The following PKN2 variants were observed in gnomAD, a reference collection of about 807,000 sequenced individuals.
PKN2 encodes the protein protein kinase N2.
PKN2 carries 38 observed loss-of-function variants against 119.1 expected under a neutral mutation model. The ratio of observed to expected loss-of-function variants is 0.32; its 90% CI spans 0.25 to 0.42. The LOEUF is 0.42. Ranked by LOEUF, PKN2 falls within the 10% of genes least tolerant of loss-of-function variation. PKN2 has a pLI of 1.00. For synonymous variants in PKN2, 390 were observed against 384.9 expected (o/e 1.01, Z -0.15); for missense variants, 850 against 1,165.1 (o/e 0.73, Z 3.94).
Position 88,793,189 on chromosome 1 carries a change from A to G in PKN2, c.1281+6976A>G, listed in dbSNP as rs148044907. 5.9e-4 allele frequency among the ~76,000 whole-genome samples: 90 copies of G among 152,266 alleles called. 1 individual carries two copies. Among genetic ancestry groups the G allele is most frequent in the African/African-American group, 1.9e-3 (81 of 41,562 alleles). On this transcript the variant is annotated intron_variant, in intron 8 of 21. Coordinates refer to ENST00000370521, the MANE Select transcript of PKN2 (RefSeq NM_006256.4). ...ATTTCTCTTGACTATAAATGGTGCC[A>G]TGTATGGTCTGTAAGTGTTTGTGTG...
At chr1:88,689,531 C>T (rs1355588730) in intron 1 of PKN2, among the ~76,000 whole-genome samples, 1 of 152,120 alleles carries the variant, frequency 6.6e-6, no homozygotes. Context: ...AAAGTGCAGG[C>T]TGGGCATAGT....
At chr1:88,704,283 G>A (rs1160642750) in intron 1 of PKN2, among the ~76,000 whole-genome samples, 1 of 152,094 alleles carries the variant, frequency 6.6e-6, no homozygotes, top group Non-Finnish European at 1.5e-5. Flanking sequence ...CTCAAATCAT[G>A]ATTTTGATAT....
chr1:88,788,537 C>G (rs186511331), intron 8 of PKN2, among the ~76,000 whole-genome samples: 10 of 152,128 alleles, frequency 6.6e-5, no homozygotes, highest in Admixed American at 4.6e-4. Context: ...CCTCTGCCTC[C>G]CAGGTTCGAG....
chr1:88,767,446 G>GA (rs1204721669), intron 3 of PKN2, among the ~76,000 whole-genome samples: 1 of 152,078 alleles, frequency 6.6e-6, no homozygotes, highest in Non-Finnish European at 1.5e-5. Context: ...GATACATTCT[G>GA]AAAAAATCAT....
intron 1 of PKN2, among the ~76,000 whole-genome samples, chr1:88,696,504 C>G (rs1021915602): frequency 6.6e-6 from 1 of 152,212 alleles, no homozygotes; most frequent in Non-Finnish European, 1.5e-5. Flanking sequence ...AAGTTGCACT[C>G]CTAACTTCTA....
intron 1 of PKN2, among the ~76,000 whole-genome samples, chr1:88,701,873 A>G (rs1666783199): frequency 6.6e-6 from 1 of 152,234 alleles, no homozygotes; most frequent in African/African-American, 2.4e-5. Flanking sequence ...AATAGAAGAG[A>G]TGGCTCAAAG....
At chr1:88,776,608 C>T (rs898395989) in intron 6 of PKN2, among the ~76,000 whole-genome samples, 4 of 151,864 alleles carry the variant, frequency 2.6e-5, no homozygotes, top group Non-Finnish European at 4.4e-5. Flanking sequence ...GGCATGATGG[C>T]GCATGCCTGT....
intron 7 of PKN2, 132 bp downstream of exon 7, chr1:88,784,956 C>G: frequency 2.1e-6 from 1 of 484,240 alleles, no homozygotes; most frequent in Non-Finnish European, 3.5e-6. Flanking sequence ...ATATTAAAAC[C>G]TGTGATGTCA....
Position 88,768,336 on chromosome 1 carries a change from C to A in PKN2, c.505-2016C>A, listed in dbSNP as rs1047941442. Reference sequence around the variant, plus strand: ...TCAAGGTGTTGGCAGGACTGCATTCCCTTCTGGAGGATGTAGGGCAGAATG... The same window carrying A: ...TCAAGGTGTTGGCAGGACTGCATTCACTTCTGGAGGATGTAGGGCAGAATG... On this transcript the variant is annotated intron_variant, in intron 3 of 21. Transcript: ENST00000370521. Among the ~76,000 whole-genome samples, 6 of 152,146 alleles carry A rather than the reference C, an allele frequency of 3.9e-5. No homozygotes were observed. The South Asian group carries it at 1.0e-3, about 26-fold the overall frequency.
chr1:88,759,135 C>T (rs550712326), intron 2 of PKN2, among the ~76,000 whole-genome samples: 31 of 152,316 alleles, frequency 2.0e-4, no homozygotes, highest in Non-Finnish European at 3.4e-4. Context: ...GAGGCCAAGG[C>T]GGGCAGATCA....
At chr1:88,710,041 T>A (rs550377735) in intron 1 of PKN2, among the ~76,000 whole-genome samples, 15 of 152,278 alleles carry the variant, frequency 9.9e-5, no homozygotes, top group African/African-American at 1.4e-4. Context: ...AGATGAAACA[T>A]TTGTTTTGAG....
intron 17 of PKN2, among the ~76,000 whole-genome samples, chr1:88,824,008 C>CAAAAAAA (rs3061489): frequency 8.5e-6 from 1 of 117,038 alleles, no homozygotes; most frequent in Non-Finnish European, 1.8e-5. Context: ...GACTCTGTCT[C>CAAAAAAA]AAAAAAAAAA....
chr1:88,737,978 C>A (rs183600386), intron 1 of PKN2, among the ~76,000 whole-genome samples: 1 of 152,234 alleles, frequency 6.6e-6, no homozygotes, highest in East Asian at 1.9e-4. Context: ...TACTTTCATG[C>A]ATAGATCATG....
chr1:88,831,741 G>T (rs531996869), intron 19 of PKN2, among the ~76,000 whole-genome samples: 2 of 152,040 alleles, frequency 1.3e-5, no homozygotes, highest in East Asian at 3.9e-4. Context: ...ATCTAACGAG[G>T]CTAAGTAAGC....
At chr1:88,710,539 A>G (rs913830055) in intron 1 of PKN2, among the ~76,000 whole-genome samples, 16 of 152,366 alleles carry the variant, frequency 1.1e-4, no homozygotes, top group African/African-American at 3.8e-4. Context: ...CTTGTCACAA[A>G]CCAGTTTTCT....
chr1:88,700,598 A>G (rs1666733295), intron 1 of PKN2, among the ~76,000 whole-genome samples: 1 of 152,172 alleles, frequency 6.6e-6, no homozygotes, highest in Non-Finnish European at 1.5e-5. Context: ...ACATTAGATC[A>G]TTCCCTTTTT....
At chr1:88,797,288 T>C (rs1353150330) in intron 8 of PKN2, among the ~76,000 whole-genome samples, 2 of 149,888 alleles carry the variant, frequency 1.3e-5, no homozygotes, top group East Asian at 3.9e-4. Context: ...GAGCTGAGGT[T>C]GCACCATTGC....
At chr1:88,788,766 GTC>G in intron 8 of PKN2, among the ~76,000 whole-genome samples, 1 of 152,180 alleles carries the variant, frequency 6.6e-6, no homozygotes, top group South Asian at 2.1e-4. Context: ...TCTTAATGAA[GTC>G]TACTTACTAC....
intron 16 of PKN2, among the ~76,000 whole-genome samples, chr1:88,821,316 T>C (rs1404027119): frequency 6.6e-6 from 1 of 152,208 alleles, no homozygotes; most frequent in Non-Finnish European, 1.5e-5. Flanking sequence ...TGTTCTTTTT[T>C]CCTCTGGATC....
Sources: allele counts gnomAD v4.1 joint callset (sites outside exome capture counted in the v4.1 genomes callset), GRCh38; gene constraint gnomAD v4.1.1; transcripts MANE v1.5; gene names NCBI Gene and HGNC (gene_info 2026-07-23, HGNC 2026-07-21).